The following CRY1 variants were observed in gnomAD, a reference collection of about 807,000 sequenced individuals.
The protein encoded by CRY1 is cryptochrome-1.
CRY1 carries 45 observed loss-of-function variants against 76.0 expected under a neutral mutation model. The ratio of observed to expected loss-of-function variants is 0.59; its 90% CI spans 0.47 to 0.76. CRY1 has a LOEUF of 0.76. Among genes scored for constraint, CRY1 ranks in the 30% least tolerant of loss-of-function variants. The pLI is 0.00. For missense variants in CRY1, 587 were observed against 716.4 expected, an observed-to-expected ratio of 0.82 and a Z score of 2.06; for synonymous variants, 248 against 244.0, an observed-to-expected ratio of 1.02 and a Z score of -0.15.
intron 1 of CRY1, among the ~76,000 whole-genome samples, chr12:107,062,146 C>T (rs1242208415): frequency 6.6e-6 from 1 of 151,034 alleles, no homozygotes; most frequent in Non-Finnish European, 1.5e-5. Context: ...TAAAAAGTCA[C>T]AGAAGTAACT....
intron 1 of CRY1, among the ~76,000 whole-genome samples, chr12:107,040,576 C>G (rs1250753167): frequency 6.6e-6 from 1 of 151,824 alleles, no homozygotes; most frequent in Non-Finnish European, 1.5e-5. Context: ...GAGCCATGTG[C>G]CCAGCCAAAA....
intron 10 of CRY1, among the ~76,000 whole-genome samples, chr12:106,993,282 C>T (rs1044069309): frequency 6.6e-6 from 1 of 151,794 alleles, no homozygotes; most frequent in Admixed American, 6.6e-5. Context: ...AAAAACATTT[C>T]CTTACTAGAT....
At chr12:107,033,843 G>A (rs1952704804) in intron 1 of CRY1, among the ~76,000 whole-genome samples, 1 of 148,952 alleles carries the variant, frequency 6.7e-6, no homozygotes, top group Non-Finnish European at 1.5e-5. Context: ...TACTCCCACC[G>A]CTTCTCTATG....
At chr12:107,035,782 T>C (rs920315743) in intron 1 of CRY1, among the ~76,000 whole-genome samples, 1 of 152,162 alleles carries the variant, frequency 6.6e-6, no homozygotes, top group Non-Finnish European at 1.5e-5. Context: ...TAGAAGGATT[T>C]ATTCATATCC....
chr12:107,004,747 C>G (rs1952350934), intron 3 of CRY1, among the ~76,000 whole-genome samples: 3 of 151,992 alleles, frequency 2.0e-5, no homozygotes, highest in African/African-American at 7.3e-5. Context: ...CAATTTATAA[C>G]TATATATAAC....
chr12:107,092,392 T>G (rs1349442974), intron 1 of CRY1, among the ~76,000 whole-genome samples: 1 of 152,230 alleles, frequency 6.6e-6, no homozygotes, highest in African/African-American at 2.4e-5. Flanking sequence ...ATGAATGATT[T>G]TTCTCCATAC....
intron 1 of CRY1, among the ~76,000 whole-genome samples, chr12:107,065,685 T>A (rs1009207859): frequency 1.3e-5 from 2 of 152,136 alleles, no homozygotes; most frequent in East Asian, 3.8e-4. Context: ...GTAAGAATAA[T>A]CTGGCACTGG....
intron 1 of CRY1, among the ~76,000 whole-genome samples, chr12:107,025,687 C>T (rs1386770667): frequency 2.0e-5 from 3 of 151,966 alleles, no homozygotes; most frequent in Non-Finnish European, 2.9e-5. Flanking sequence ...ATAGATCTGC[C>T]TACTAACAAT....
intron 2 of CRY1, among the ~76,000 whole-genome samples, chr12:107,020,453 T>C (rs1044964637): frequency 5.9e-5 from 9 of 152,066 alleles, no homozygotes; most frequent in Non-Finnish European, 1.3e-4. Context: ...TGGAGCCTGG[T>C]GGGAGGTGAT....
In CRY1 at chr12:107,076,942, T is replaced by C. The variant is rs557601480; in HGVS notation, c.158+15862A>G. On this transcript the variant is annotated intron_variant, in intron 1 of 12. Coordinates refer to ENST00000008527, the MANE Select transcript of CRY1 (RefSeq NM_004075.5). The stretch of plus-strand genomic sequence containing the variant: ...CCTGCTCCCCCTTTGCCTTCCACCA[T>C]GATTGTAACCTTCCTGAGGCTCCCC... Among the ~76,000 whole-genome samples the C allele has an allele frequency of 3.3e-5, 5 of 152,312 alleles. No individual in the cohort carries two copies. In the South Asian group the frequency reaches 1.0e-3, roughly 32 times the overall value.
intron 1 of CRY1, among the ~76,000 whole-genome samples, chr12:107,050,840 T>C (rs1263213326): frequency 6.6e-6 from 1 of 152,008 alleles, no homozygotes; most frequent in South Asian, 2.1e-4. Flanking sequence ...AAATGGGTGT[T>C]TGGATGTCAA....
intron 1 of CRY1, among the ~76,000 whole-genome samples, chr12:107,056,660 C>A (rs570430423): frequency 6.6e-5 from 10 of 152,082 alleles, no homozygotes; most frequent in Middle Eastern, 3.4e-3. Flanking sequence ...TCCAATGTGG[C>A]CCAGGGAAGC....
intron 2 of CRY1, among the ~76,000 whole-genome samples, chr12:107,012,644 G>A (rs1403571176): frequency 6.6e-6 from 1 of 152,196 alleles, no homozygotes; most frequent in Non-Finnish European, 1.5e-5. Flanking sequence ...CATTTTGTAA[G>A]GCTATAGCTG....
At chr12:107,011,255 C>T (rs901967419) in intron 2 of CRY1, among the ~76,000 whole-genome samples, 2 of 151,870 alleles carry the variant, frequency 1.3e-5, no homozygotes, top group African/African-American at 4.8e-5. Context: ...GAGGCTGAGG[C>T]AGGAGAATCG....
At chr12:106,996,481 A>T (rs890673813) in intron 10 of CRY1, among the ~76,000 whole-genome samples, 1 of 152,234 alleles carries the variant, frequency 6.6e-6, no homozygotes, top group Non-Finnish European at 1.5e-5. Flanking sequence ...CTTTGGGTAT[A>T]TACCCAGTAA....
chr12:107,003,452 T>A (rs553966544), intron 3 of CRY1, among the ~76,000 whole-genome samples: 9 of 152,210 alleles, frequency 5.9e-5, no homozygotes, highest in Non-Finnish European at 1.3e-4. Context: ...GTCAAGGTCA[T>A]ATAACTGATA....
chr12:107,012,531 T>C (rs1467615815), intron 2 of CRY1, among the ~76,000 whole-genome samples: 1 of 152,230 alleles, frequency 6.6e-6, no homozygotes, highest in Non-Finnish European at 1.5e-5. Context: ...AATGGAGATT[T>C]ATTAGGGAGA....
intron 1 of CRY1, among the ~76,000 whole-genome samples, chr12:107,032,211 G>A (rs1386510773): frequency 6.6e-6 from 1 of 152,154 alleles, no homozygotes; most frequent in Non-Finnish European, 1.5e-5. Flanking sequence ...TGGGATTACA[G>A]GCATGAGCCA....
At chr12:107,017,751 C>T (rs995970633) in intron 2 of CRY1, among the ~76,000 whole-genome samples, 2 of 152,188 alleles carry the variant, frequency 1.3e-5, no homozygotes, top group Non-Finnish European at 2.9e-5. Context: ...TAAACTCTAC[C>T]TTTTGACGGA....
Sources: gnomAD v4.1 joint callset for allele counts (sites outside exome capture counted in the v4.1 genomes callset) on GRCh38, gnomAD v4.1.1 for gene constraint, MANE v1.5 for transcripts, NCBI Gene and HGNC (gene_info 2026-07-23, HGNC 2026-07-21) for gene names.